The following FAM47E variants were observed in gnomAD, a reference collection of about 807,000 sequenced individuals.
The protein encoded by FAM47E is family with sequence similarity 47 member E.
A neutral mutation model predicts 41.6 loss-of-function variants in FAM47E; 32 were observed. The ratio of observed to expected loss-of-function variants is 0.77; its 90% confidence interval spans 0.58 to 1.03. The LOEUF (loss-of-function observed/expected upper bound fraction) is 1.03. Ranked by LOEUF, FAM47E falls within the 50% of genes least tolerant of loss-of-function variation. FAM47E has a pLI of 0.00. For missense variants in FAM47E, 424 were observed against 485.4 expected, an observed-to-expected ratio of 0.87 and a Z score of 1.19; for synonymous variants, 184 against 188.7, an observed-to-expected ratio of 0.98 and a Z score of 0.20.
exon 1 of FAM47E, chr4:76,214,261 T>G (rs1402238341): frequency 4.4e-6 from 2 of 455,538 alleles, no homozygotes; most frequent in Non-Finnish European, 8.8e-6. Context: ...TTCTACCAGG[T>G]GCCTGCTGAG....
intron 3 of FAM47E, among the ~76,000 whole-genome samples, chr4:76,266,388 G>A (rs1011843257): frequency 6.6e-6 from 1 of 152,124 alleles, no homozygotes; most frequent in Non-Finnish European, 1.5e-5. Flanking sequence ...TCCTCCTTCT[G>A]TCTTCCCCAG....
At chr4:76,218,465 G>T (rs76773060) in intron 2 of FAM47E, among the ~76,000 whole-genome samples, 2,578 of 152,280 alleles carry the variant, frequency 0.017, 74 homozygotes, top group African/African-American at 0.059. Context: ...AGGCCACAGG[G>T]ACTCTCTGTG....
chr4:76,281,055 A>C (rs1449103781), intron 7 of FAM47E: 1 of 152,256 alleles, frequency 6.6e-6, no homozygotes, highest in Non-Finnish European at 1.5e-5. Flanking sequence ...CAGCCCTGTC[A>C]CTGCAGCAGG....
chr4:76,235,328 T>C (rs1733569026), intron 2 of FAM47E, among the ~76,000 whole-genome samples: 1 of 151,998 alleles, frequency 6.6e-6, no homozygotes, highest in Non-Finnish European at 1.5e-5. Flanking sequence ...AAAAAATAAA[T>C]AAATAAATAA....
intron 2 of FAM47E, among the ~76,000 whole-genome samples, chr4:76,229,679 G>GC (rs1733460136): frequency 6.6e-6 from 1 of 152,182 alleles, no homozygotes; most frequent in Non-Finnish European, 1.5e-5. Flanking sequence ...TGATTCCTGT[G>GC]ATGTGATCCA....
intron 2 of FAM47E, among the ~76,000 whole-genome samples, chr4:76,231,653 G>A (rs1233976758): frequency 3.3e-5 from 5 of 152,274 alleles, no homozygotes; most frequent in Middle Eastern, 6.8e-3. Context: ...AAGGCCTTTC[G>A]GATTGGCTTC....
Position 76,278,128 on chromosome 4 carries a change from G to C in FAM47E, c.930G>C (p.Lys310Asn). 6.4e-7 allele frequency: 1 copy of C among 1,551,040 alleles called. No individual in the cohort carries two copies. Among genetic ancestry groups the C allele is most frequent in the Non-Finnish European group, 8.7e-7 (1 of 1,146,802 alleles). Residue 310 changes from lysine (K) to asparagine (N), a missense_variant, in exon 6 of 8, where the codon AAG (lysine) becomes AAC (asparagine). Coordinates refer to ENST00000424749, the MANE Select transcript of FAM47E (RefSeq NM_001136570.3). Reference protein sequence around the residue: ...MRYGAWYLNPKLWKKQRVDEP... With the variant: ...MRYGAWYLNPNLWKKQRVDEP... The stretch of plus-strand genomic sequence containing the variant: ...ATGGAGCATGGTATTTGAACCCCAA[G>C]TTGTGGAAAAAGCAAAGAGTAGACG...
At chr4:76,275,943 A>T (rs1735079261) in intron 5 of FAM47E, among the ~76,000 whole-genome samples, 1 of 151,842 alleles carries the variant, frequency 6.6e-6, no homozygotes, top group South Asian at 2.1e-4. Flanking sequence ...GGTTGTCACC[A>T]CTTGGGGGAT....
At chr4:76,271,488 C>T (rs894610312) in intron 4 of FAM47E, 80 bp from the exon 5 acceptor site, 11 of 1,474,586 alleles carry the variant, frequency 7.5e-6, no homozygotes, top group African/African-American at 2.8e-5. Context: ...CTTTCCTCAG[C>T]GATGGCCCTC....
intron 3 of FAM47E, 130 bp downstream of exon 3, chr4:76,263,973 G>A (rs377287276): frequency 1.5e-6 from 2 of 1,361,220 alleles, no homozygotes; most frequent in Non-Finnish European, 2.0e-6. Flanking sequence ...CCAAGGAAGA[G>A]GGAAAGGAGT....
chr4:76,246,273 C>T (rs1473250360), intron 2 of FAM47E, among the ~76,000 whole-genome samples: 1 of 152,142 alleles, frequency 6.6e-6, no homozygotes, highest in South Asian at 2.1e-4. Flanking sequence ...GAAGGTATTG[C>T]CATTATGATT....
chr4:76,244,788 T>C (rs1733789469), intron 2 of FAM47E, among the ~76,000 whole-genome samples: 1 of 152,176 alleles, frequency 6.6e-6, no homozygotes, highest in Non-Finnish European at 1.5e-5. Context: ...TCCACCCACC[T>C]CGGCCTCCCA....
chr4:76,230,958 G>A (rs1345388918), intron 2 of FAM47E, among the ~76,000 whole-genome samples: 2 of 152,194 alleles, frequency 1.3e-5, no homozygotes, highest in African/African-American at 4.8e-5. Context: ...AACCTCTGTT[G>A]TTGTCTACCT....
At chr4:76,266,605 C>T (rs934734745) in intron 3 of FAM47E, among the ~76,000 whole-genome samples, 2 of 152,196 alleles carry the variant, frequency 1.3e-5, no homozygotes, top group African/African-American at 2.4e-5. Context: ...CCAAGCTCCC[C>T]TCTCTCAAGT....
In FAM47E at chr4:76,251,736, C is replaced by T; in HGVS notation, c.-11C>T. 1 of 1,480,192 alleles carries T rather than the reference C, an allele frequency of 6.8e-7. No homozygotes were observed. Among genetic ancestry groups the T allele is most frequent in the Non-Finnish European group, 8.9e-7 (1 of 1,122,552 alleles). The allele number at this position is 1,480,192 out of a possible 1,614,324, so 91.7% of individuals were successfully genotyped here. A position where few individuals can be genotyped will look rare whatever the true frequency, so the allele number is the denominator to read the frequency against. ...CCAAGCCCGGACGGTGGCCGCGAAG[C>T]TAGGGCCACCATGGCGGACCGCAGG... On this transcript the variant is annotated 5_prime_UTR_variant, in exon 1 of 8. Transcript: ENST00000424749.
At chr4:76,251,579 G>GT (rs1212190923), upstream of FAM47E, 2 of 1,285,012 alleles carry the variant, frequency 1.6e-6, no homozygotes, top group Admixed American at 4.1e-5. Context: ...CCAGGTCCAC[G>GT]TCCCCAGGCG....
intron 5 of FAM47E, among the ~76,000 whole-genome samples, chr4:76,275,979 C>A (rs1224347717): frequency 6.6e-6 from 1 of 151,018 alleles, no homozygotes; most frequent in African/African-American, 2.4e-5. Context: ...TGGGTAGAAG[C>A]CAGGAATGCT....
At chr4:76,280,439 C>T in intron 7 of FAM47E, 98 bp downstream of exon 7, 1 of 653,910 alleles carries the variant, frequency 1.5e-6, no homozygotes, top group South Asian at 2.1e-5. Flanking sequence ...CCAAATAGTT[C>T]TCTTACAGGC....
chr4:76,263,006 A>T (rs1455672899), intron 2 of FAM47E, among the ~76,000 whole-genome samples: 2 of 151,968 alleles, frequency 1.3e-5, no homozygotes, highest in Admixed American at 1.3e-4. Context: ...GCCTCATGCC[A>T]TCTTCCTGCG....
Sources: allele counts gnomAD v4.1 joint callset (sites outside exome capture counted in the v4.1 genomes callset), GRCh38; gene constraint gnomAD v4.1.1; transcripts MANE v1.5; gene names NCBI Gene and HGNC (gene_info 2026-07-23, HGNC 2026-07-21).